The following LOC128462377 variants were observed in gnomAD, a reference collection of about 807,000 sequenced individuals.
At chr16:89,389,617 C>T in the LOC128462377 span, among the ~76,000 whole-genome samples, 1 of 152,194 alleles carries the variant, frequency 6.6e-6, no homozygotes, top group Non-Finnish European at 1.5e-5. Context: ...GTGGGATTCA[C>T]AGAAGAACAG....
At chr16:89,350,205 G>A in the LOC128462377 span, among the ~76,000 whole-genome samples, 1 of 152,352 alleles carries the variant, frequency 6.6e-6, no homozygotes, top group Non-Finnish European at 1.5e-5. Context: ...GGACAGAGCA[G>A]ATGGAATTCC....
At chr16:89,319,119 A>G in the LOC128462377 span, among the ~76,000 whole-genome samples, 1 of 152,242 alleles carries the variant, frequency 6.6e-6, no homozygotes, top group Non-Finnish European at 1.5e-5. Context: ...TCAGGACGGA[A>G]AAACGGGGCC....
At chr16:89,368,091 T>C in the LOC128462377 span, among the ~76,000 whole-genome samples, 4 of 152,358 alleles carry the variant, frequency 2.6e-5, no homozygotes, top group South Asian at 4.1e-4. Context: ...TGATTTCTAG[T>C]CCTGTTCACA....
the LOC128462377 span, among the ~76,000 whole-genome samples, chr16:89,391,595 T>C: frequency 6.6e-6 from 1 of 152,152 alleles, no homozygotes. Context: ...GAACCCCTAC[T>C]AACTGAGCTT....
At chr16:89,389,176 G>A in the LOC128462377 span, among the ~76,000 whole-genome samples, 4 of 151,922 alleles carry the variant, frequency 2.6e-5, no homozygotes, top group Non-Finnish European at 4.4e-5. Flanking sequence ...ACGCCACTAC[G>A]TCTGGCTAAT....
chr16:89,354,422 A>C, the LOC128462377 span, among the ~76,000 whole-genome samples: 1 of 152,224 alleles, frequency 6.6e-6, no homozygotes, highest in Non-Finnish European at 1.5e-5. Flanking sequence ...TGCAGCAGTG[A>C]GGTCCACTAT....
chr16:89,368,734 C>T, the LOC128462377 span, among the ~76,000 whole-genome samples: 1 of 151,808 alleles, frequency 6.6e-6, no homozygotes, highest in Admixed American at 6.6e-5. Flanking sequence ...ACAGTGAGAC[C>T]AGTTTCTAAA....
the LOC128462377 span, among the ~76,000 whole-genome samples, chr16:89,377,691 CT>C: frequency 6.6e-6 from 1 of 152,164 alleles, no homozygotes; most frequent in African/African-American, 2.4e-5. Context: ...CTCCCACCCG[CT>C]TTTAACTTCT....
At chr16:89,350,015 G>A in the LOC128462377 span, among the ~76,000 whole-genome samples, 4 of 152,050 alleles carry the variant, frequency 2.6e-5, no homozygotes, top group Non-Finnish European at 5.9e-5. Flanking sequence ...GCAAATGGCA[G>A]ATATGAAAGT....
At chr16:89,407,300 G>T in the LOC128462377 span, among the ~76,000 whole-genome samples, 8 of 152,006 alleles carry the variant, frequency 5.3e-5, no homozygotes, top group Admixed American at 5.2e-4. Flanking sequence ...TAAGGAACAC[G>T]GGGGGAAAAA....
At chr16:89,320,421 G>A in the LOC128462377 span, 2 of 152,138 alleles carry the variant, frequency 1.3e-5, no homozygotes, top group African/African-American at 4.8e-5. Flanking sequence ...ACTGAAACAC[G>A]CCTCAGGCCA....
At chr16:89,323,262 C>T in the LOC128462377 span, 4 of 1,276,024 alleles carry the variant, frequency 3.1e-6, no homozygotes, top group South Asian at 5.0e-5. Flanking sequence ...GAGCTGCATA[C>T]CTGGCAGGCC....
chr16:89,399,248 C>T, the LOC128462377 span, among the ~76,000 whole-genome samples: 10 of 152,060 alleles, frequency 6.6e-5, no homozygotes, highest in African/African-American at 1.7e-4. Context: ...TTCATTTATC[C>T]GTAAGAGAAG....
At chr16:89,322,512 G>A in the LOC128462377 span, among the ~76,000 whole-genome samples, 3 of 152,268 alleles carry the variant, frequency 2.0e-5, no homozygotes, top group Admixed American at 6.5e-5. Context: ...AGGCCCAGGA[G>A]GAGGAAGACA....
chr16:89,365,900 C>T, the LOC128462377 span, among the ~76,000 whole-genome samples: 1 of 152,068 alleles, frequency 6.6e-6, no homozygotes, highest in African/African-American at 2.4e-5. Flanking sequence ...TCTGCTGGTC[C>T]CTCTCTGTGT....
the LOC128462377 span, among the ~76,000 whole-genome samples, chr16:89,327,084 A>G: frequency 4.7e-5 from 7 of 150,482 alleles, no homozygotes; most frequent in East Asian, 1.9e-4. Flanking sequence ...CAGAGGTTGG[A>G]AATGCAGAGG....
the LOC128462377 span, among the ~76,000 whole-genome samples, chr16:89,396,450 T>C: frequency 2.0e-5 from 3 of 152,170 alleles, no homozygotes; most frequent in African/African-American, 7.2e-5. Context: ...CACAAACACC[T>C]GCTGGGTTTT....
chr16:89,386,496 A>G, the LOC128462377 span, among the ~76,000 whole-genome samples: 3 of 152,186 alleles, frequency 2.0e-5, no homozygotes, highest in Non-Finnish European at 4.4e-5. Flanking sequence ...AACCCGGCAC[A>G]CAGCATGAGG....
the LOC128462377 span, among the ~76,000 whole-genome samples, chr16:89,373,997 C>T: frequency 6.6e-6 from 1 of 152,256 alleles, no homozygotes; most frequent in Non-Finnish European, 1.5e-5. Context: ...CTGACGACCA[C>T]AATACCTGCA....
Sources: gnomAD v4.1 joint callset for allele counts (sites outside exome capture counted in the v4.1 genomes callset) on GRCh38, gnomAD v4.1.1 for gene constraint, MANE v1.5 for transcripts.